The following MED10 variants were observed in gnomAD, a reference collection of about 807,000 sequenced individuals.
MED10 encodes the protein mediator complex subunit 10, also known as mediator of RNA polymerase II transcription subunit 10.
A neutral mutation model predicts 17.2 loss-of-function variants in MED10; 9 were observed. The observed-to-expected ratio is 0.52, with a 90% confidence interval of 0.31 to 0.91. The LOEUF (loss-of-function observed/expected upper bound fraction) is 0.91. Ranked by LOEUF, MED10 falls within the 40% of genes least tolerant of loss-of-function variation. MED10 has a pLI of 0.04. For missense variants in MED10, 129 were observed against 164.8 expected, an observed-to-expected ratio of 0.78 and a Z score of 1.19; for synonymous variants, 66 against 59.8, an observed-to-expected ratio of 1.10 and a Z score of -0.48.
chr5:6,371,937 C>T lies in MED10; in HGVS notation c.*566G>A, dbSNP rs1737895897. ...ATAATTACATGGAATAAGCCACATA[C>T]TTAGTTTATTATAGGCATGTCTAAT... On this transcript the variant is annotated 3_prime_UTR_variant, in exon 4 of 4. Transcript: ENST00000255764. The T allele has an allele frequency of 2.0e-5, 3 of 152,202 alleles. No homozygotes were observed. Among genetic ancestry groups the T allele is most frequent in the Non-Finnish European group, 4.4e-5 (3 of 68,064 alleles). The allele number at this position is 152,202 out of a possible 1,614,324, so 9.4% of individuals were successfully genotyped here. A position where few individuals can be genotyped will look rare whatever the true frequency, so the allele number is the denominator to read the frequency against.
rs776997534 is a variant in MED10, at chr5:6,374,442, A to C, written c.207-16T>G. 3 of 1,535,494 alleles carry C rather than the reference A, an allele frequency of 2.0e-6. No homozygotes were observed. In the African/African-American group the frequency reaches 4.1e-5, roughly 21 times the overall value. ...ATCTATATATCTGGAAACACGATAT[A>C]TTTCAATTAGCATTCTCATGACTGA... On this transcript the variant is annotated splice_polypyrimidine_tract_variant and intron_variant, in intron 2 of 3. Transcript: ENST00000255764.
rs1218966994 is a variant in MED10 at position 6,372,294 on chromosome 5, C to T, written c.*209G>A. 1 of 554,518 alleles carries T rather than the reference C, an allele frequency of 1.8e-6. No homozygotes were observed. The highest frequency in any genetic ancestry group is 3.2e-6 in the Non-Finnish European group (1 of 312,944). 34.3% of individuals were successfully genotyped at this position (554,518 alleles called of 1,614,324 possible). On this transcript the variant is annotated 3_prime_UTR_variant, in exon 4 of 4. Transcript: ENST00000255764. ...TCAGCACTCTGAAAGCCAGTTGACG[C>T]CAGACAAGCTGCTGGAACAGCTGGG...
chr5:6,378,198 A>G (rs1385215122), intron 1 of MED10, among the ~76,000 whole-genome samples, 164 bp downstream of exon 1: 1 of 151,822 alleles, frequency 6.6e-6, no homozygotes, highest in Non-Finnish European at 1.5e-5. Flanking sequence ...CGCCCTCTGA[A>G]CACAGCCAGG....
At position 6,378,450 on chromosome 5, in the gene MED10, G is replaced by C; in HGVS notation, c.34C>G (p.Leu12Val). The C allele has an allele frequency of 8.1e-6, 13 of 1,613,754 alleles. No homozygotes were observed. Among genetic ancestry groups the C allele is most frequent in the Non-Finnish European group, 1.1e-5 (13 of 1,179,900 alleles). Residue 12 changes from leucine (L) to valine (V), a missense_variant, in exon 1 of 4, where the codon CTG becomes GTG. Around this residue, in one of 3 missense-constraint regions of MED10, gnomAD observed 23 missense variants for 17.7 expected, o/e 1.30. Coordinates refer to ENST00000255764, the MANE Select transcript of MED10 (RefSeq NM_032286.3). ...CGAATGTTCTCCACGAACTTCTCCAGGTGCTCCTCTAGGTGGTCAAACTTC... is the reference window on the plus strand; with the variant it reads ...CGAATGTTCTCCACGAACTTCTCCACGTGCTCCTCTAGGTGGTCAAACTTC... The part of the protein sequence containing the change: ...AEKFDHLEEH[L>V]EKFVENIRQL...
chr5:6,377,848 T>C (rs1005900528), intron 1 of MED10, among the ~76,000 whole-genome samples: 3 of 152,206 alleles, frequency 2.0e-5, no homozygotes, highest in African/African-American at 7.2e-5. Flanking sequence ...GAAATAATAA[T>C]AATAAACGTT....
intron 2 of MED10, 82 bp downstream of exon 2, chr5:6,377,084 T>C (rs1738007308): frequency 3.5e-6 from 3 of 865,788 alleles, no homozygotes; most frequent in Non-Finnish European, 5.3e-6. Flanking sequence ...GGCACTCGAA[T>C]GCCAGTGATG....
At chr5:6,372,650 A>G (rs963750061) in intron 3 of MED10, 49 bp from the exon 4 acceptor site, 6 of 1,456,530 alleles carry the variant, frequency 4.1e-6, no homozygotes, top group African/African-American at 1.4e-5. Flanking sequence ...CAACACTCCA[A>G]TAACTATTTA....
rs559106862 is a variant in MED10 at position 6,372,242 on chromosome 5, G to C, written c.*261C>G. 4 of 422,344 alleles carry C rather than the reference G, an allele frequency of 9.5e-6. No individual in the cohort carries two copies. The highest frequency in any genetic ancestry group is 1.7e-5 in the Non-Finnish European group (4 of 238,556). 26.2% of individuals were successfully genotyped at this position (422,344 alleles called of 1,614,324 possible). A position where few individuals can be genotyped will look rare whatever the true frequency, so the allele number is the denominator to read the frequency against. ...TTCCTGCGCCTCATCTGCCCTCAGAGAGAATGATCCCCACAGTGATGAGGG... is the reference window on the plus strand; with the variant it reads ...TTCCTGCGCCTCATCTGCCCTCAGACAGAATGATCCCCACAGTGATGAGGG... On this transcript the variant is annotated 3_prime_UTR_variant, in exon 4 of 4. Transcript: ENST00000255764.
chr5:6,378,519 C>A lies in MED10; in HGVS notation c.-36G>T. 1.3e-6 allele frequency: 2 copies of A among 1,592,028 alleles called. No homozygotes were observed. Among genetic ancestry groups the A allele is most frequent in the Non-Finnish European group, 1.7e-6 (2 of 1,167,806 alleles). On this transcript the variant is annotated 5_prime_UTR_variant, in exon 1 of 4. Transcript: ENST00000255764. ...CGTCCCCGACCCACACAGCCTCAAC[C>A]AGCAGCGCCGCAGGCGTGGCCCTAC...
At chr5:6,377,141 G>T in intron 2 of MED10, 25 bp downstream of exon 2, 1 of 1,505,464 alleles carries the variant, frequency 6.6e-7, no homozygotes, top group Non-Finnish European at 9.2e-7. Flanking sequence ...TTATACCCAA[G>T]ACTAATATCA....
rs771542927 is a variant in MED10, at chr5:6,378,472, C to A, written c.12G>T (p.Lys4Asn). The A allele has an allele frequency of 6.2e-7, 1 of 1,612,256 alleles. No homozygotes were observed. The highest frequency in any genetic ancestry group is 1.3e-5 in the African/African-American group (1 of 75,012). MAE[K>N]FDHLEEHLEK... ...CCAGGTGCTCCTCTAGGTGGTCAAA[C>A]TTCTCCGCCATCGCCTCGGCCCGTC... Residue 4 changes from lysine to asparagine, a missense_variant, in exon 1 of 4, where the codon AAG (lysine) becomes AAT (asparagine). Physicochemically the swap from Lys to Asn is moderately conservative, Grantham distance 94. Around this residue, in one of 3 missense-constraint regions of MED10, gnomAD observed 23 missense variants for 17.7 expected, o/e 1.30. Transcript: ENST00000255764.
At chr5:6,374,973 C>T (rs750017750) in intron 2 of MED10, among the ~76,000 whole-genome samples, 2 of 152,028 alleles carry the variant, frequency 1.3e-5, no homozygotes, top group Non-Finnish European at 2.9e-5. Flanking sequence ...CCAGCCCTGA[C>T]GACCCCAAGA....
chr5:6,376,284 C>T (rs1737987945), intron 2 of MED10, among the ~76,000 whole-genome samples: 1 of 152,222 alleles, frequency 6.6e-6, no homozygotes, highest in South Asian at 2.1e-4. Flanking sequence ...ACAGCCATAA[C>T]TCTTTCCCTT....
Position 6,372,425 on chromosome 5 carries a change from G to A in MED10, c.*78C>T, listed in dbSNP as rs997655946. 3 of 1,204,588 alleles carry A rather than the reference G, an allele frequency of 2.5e-6. No homozygotes were observed. Among genetic ancestry groups the A allele is most frequent in the African/African-American group, 1.5e-5 (1 of 66,926 alleles). The allele number at this position is 1,204,588 out of a possible 1,614,324, so 74.6% of individuals were successfully genotyped here. On this transcript the variant is annotated 3_prime_UTR_variant, in exon 4 of 4. Coordinates refer to ENST00000255764, the MANE Select transcript of MED10 (RefSeq NM_032286.3). The stretch of plus-strand genomic sequence containing the variant: ...GGCCCAGTCCCACCTCAGCAGGAAG[G>A]TGGCGTCAGCACTCGCAGTCCCAGC...
intron 3 of MED10, among the ~76,000 whole-genome samples, chr5:6,373,595 T>C (rs933752267): frequency 1.3e-5 from 2 of 151,712 alleles, no homozygotes; most frequent in South Asian, 2.1e-4. Context: ...AACGAAAGGG[T>C]TGGATGTATT....
intron 1 of MED10, 133 bp downstream of exon 1, chr5:6,378,229 G>A: frequency 7.7e-7 from 1 of 1,295,202 alleles, no homozygotes; most frequent in South Asian, 1.7e-5. Context: ...CGGGCTCCGG[G>A]ACCAGACCAG....
At chr5:6,377,139 A>C in intron 2 of MED10, 27 bp downstream of exon 2, 1 of 1,502,544 alleles carries the variant, frequency 6.7e-7, no homozygotes, top group Non-Finnish European at 9.2e-7. Context: ...ATTTATACCC[A>C]AGACTAATAT....
At chr5:6,374,185 A>G in intron 3 of MED10, 139 bp downstream of exon 3, 4 of 634,254 alleles carry the variant, frequency 6.3e-6, no homozygotes, top group Non-Finnish European at 8.6e-6. Flanking sequence ...ACTGCCTATT[A>G]CACAATTCAG....
chr5:6,375,978 T>C (rs1159903737), intron 2 of MED10, among the ~76,000 whole-genome samples: 1 of 152,220 alleles, frequency 6.6e-6, no homozygotes, highest in Non-Finnish European at 1.5e-5. Flanking sequence ...TTGCCACTTG[T>C]CACTATATGC....
Sources: allele counts gnomAD v4.1 joint callset (sites outside exome capture counted in the v4.1 genomes callset), GRCh38; gene constraint gnomAD v4.1.1; regional missense constraint gnomAD v4.1.1; transcripts MANE v1.5; gene names NCBI Gene and HGNC (gene_info 2026-07-23, HGNC 2026-07-21).